Variants in SH2D4A observed in about 807,000 individuals in gnomAD.
SH2D4A encodes SH2 domain containing 4A.
SH2D4A carries 70 observed loss-of-function variants against 64.7 expected under a neutral mutation model. The ratio of observed to expected loss-of-function variants is 1.08; its 90% CI spans 0.89 to 1.32. The LOEUF (loss-of-function observed/expected upper bound fraction) is 1.32, where lower values mean the gene tolerates loss of function less well. Among genes scored for constraint, SH2D4A ranks in the 40% most tolerant of loss-of-function variants. The pLI is 0.00. For synonymous variants in SH2D4A, 268 were observed against 200.7 expected (o/e 1.34, Z -2.83); for missense variants, 706 against 540.1 (o/e 1.31, Z -3.04).
intron 7 of SH2D4A, among the ~76,000 whole-genome samples, chr8:19,371,558 G>A (rs765968113): frequency 6.6e-6 from 1 of 152,090 alleles, no homozygotes; most frequent in African/African-American, 2.4e-5. Context: ...TCCTATGTAG[G>A]TTGAATCTGA....
At chr8:19,361,629 G>C (rs1273292625) in intron 6 of SH2D4A, among the ~76,000 whole-genome samples, 1 of 151,956 alleles carries the variant, frequency 6.6e-6, no homozygotes, top group Non-Finnish European at 1.5e-5. Flanking sequence ...CATTAGCTTG[G>C]GGAAGAAAAA....
chr8:19,332,691 C>CAAAA (rs58695585), intron 2 of SH2D4A, among the ~76,000 whole-genome samples: 2 of 81,692 alleles, frequency 2.4e-5, no homozygotes, highest in Non-Finnish European at 5.8e-5. Context: ...GTGAGACTGT[C>CAAAA]AAAAAAAAAA....
At chr8:19,340,185 C>T (rs944781895) in intron 4 of SH2D4A, among the ~76,000 whole-genome samples, 3 of 151,830 alleles carry the variant, frequency 2.0e-5, no homozygotes, top group African/African-American at 7.3e-5. Context: ...TTGGAGGAAC[C>T]AAAGGGGCCA....
rs1585141022 is a variant in SH2D4A at position 19,319,334 on chromosome 8, C to T, written c.-204-10C>T. ...CACGCTGCCTGAATGTGGGCTCTTT[C>T]TCTCTGCAGGTTCAGTGAACAGCAT... On this transcript the variant is annotated splice_polypyrimidine_tract_variant and intron_variant, in intron 1 of 9. Transcript: ENST00000265807. 8.3e-7 allele frequency: 1 copy of T among 1,208,006 alleles called. No homozygotes were observed. Among genetic ancestry groups the T allele is most frequent in the East Asian group, 3.4e-5 (1 of 29,120 alleles). The allele number at this position is 1,208,006 out of a possible 1,614,324, so 74.8% of individuals were successfully genotyped here.
chr8:19,344,004 G>A (rs2052571397), intron 4 of SH2D4A, among the ~76,000 whole-genome samples: 1 of 152,166 alleles, frequency 6.6e-6, no homozygotes. Flanking sequence ...GTGTCGGGGA[G>A]GGAGAATGCA....
At chr8:19,325,608 A>C (rs1454079276) in intron 2 of SH2D4A, among the ~76,000 whole-genome samples, 1 of 152,006 alleles carries the variant, frequency 6.6e-6, no homozygotes, top group East Asian at 1.9e-4. Context: ...GGCTTCACTG[A>C]TGTCCTCTCT....
chr8:19,394,563 C>T lies in SH2D4A; in HGVS notation c.1286C>T (p.Thr429Ile). The T allele has an allele frequency of 6.2e-7, 1 of 1,607,216 alleles. No homozygotes were observed. Among genetic ancestry groups the T allele is most frequent in the Non-Finnish European group, 8.5e-7 (1 of 1,176,174 alleles). Residue 429 changes from threonine to isoleucine, a missense_variant, in exon 10 of 10, where the codon ACT becomes ATT. Transcript: ENST00000265807. Reference sequence around the variant, plus strand: ...TCTGATTGACAGGAGGAACCCATCACTTCCCTGGGGAAGGAGCTCCTTCTC... The same window carrying T: ...TCTGATTGACAGGAGGAACCCATCATTTCCCTGGGGAAGGAGCTCCTTCTC... ...LVEYHKEEPI[T>I]SLGKELLLYP...
chr8:19,384,188 C>A (rs1178286486), intron 8 of SH2D4A, among the ~76,000 whole-genome samples: 1 of 152,128 alleles, frequency 6.6e-6, no homozygotes, highest in Non-Finnish European at 1.5e-5. Context: ...GCTAGGAGGT[C>A]ACCTCAGAAG....
At chr8:19,316,861 G>T (rs2052097055) in intron 1 of SH2D4A, among the ~76,000 whole-genome samples, 1 of 152,220 alleles carries the variant, frequency 6.6e-6, no homozygotes, top group South Asian at 2.1e-4. Context: ...TGGGCATAGT[G>T]ATGGGCTGGA....
rs1032616958 is a variant in SH2D4A at position 19,314,014 on chromosome 8, G to A, written c.-205+191G>A. The A allele has an allele frequency of 4.2e-4, 515 of 1,233,504 alleles. 5 individuals carry two copies. The highest frequency in any genetic ancestry group is 8.4e-5 in the Non-Finnish European group (83 of 991,504). 76.4% of individuals were successfully genotyped at this position (1,233,504 alleles called of 1,614,324 possible). A position where few individuals can be genotyped will look rare whatever the true frequency, so the allele number is the denominator to read the frequency against. On this transcript the variant is annotated intron_variant, in intron 1 of 9. Transcript: ENST00000265807. ...GGGCTCAGGTGCGGGGTTGGGCGGCGAGAGCGGCCGCGGCGGGTGTCCGGT... is the reference window on the plus strand; with the variant it reads ...GGGCTCAGGTGCGGGGTTGGGCGGCAAGAGCGGCCGCGGCGGGTGTCCGGT...
intron 4 of SH2D4A, among the ~76,000 whole-genome samples, chr8:19,341,406 C>T (rs1454906144): frequency 6.6e-6 from 1 of 152,112 alleles, no homozygotes; most frequent in Non-Finnish European, 1.5e-5. Flanking sequence ...AGTTAGTGAC[C>T]ATAATCCTTA....
intron 4 of SH2D4A, among the ~76,000 whole-genome samples, chr8:19,338,460 T>C (rs1023374513): frequency 6.6e-6 from 1 of 152,182 alleles, no homozygotes; most frequent in African/African-American, 2.4e-5. Flanking sequence ...AGATGGAAGA[T>C]TATCCTTGAA....
chr8:19,335,455 G>A (rs947090469), intron 4 of SH2D4A, among the ~76,000 whole-genome samples: 7 of 152,120 alleles, frequency 4.6e-5, no homozygotes, highest in Non-Finnish European at 5.9e-5. Context: ...CCTCAATGCT[G>A]CCCCATTATA....
chr8:19,355,407 T>C (rs968504375), intron 4 of SH2D4A, among the ~76,000 whole-genome samples: 1 of 152,168 alleles, frequency 6.6e-6, no homozygotes, highest in Non-Finnish European at 1.5e-5. Flanking sequence ...TGGTTACTGT[T>C]CTAAGTTTAG....
At chr8:19,364,971 C>G (rs757806373) in intron 7 of SH2D4A, among the ~76,000 whole-genome samples, 1 of 152,082 alleles carries the variant, frequency 6.6e-6, no homozygotes, top group Non-Finnish European at 1.5e-5. Flanking sequence ...TTTGCTGATT[C>G]TAAATTTTTT....
chr8:19,393,274 G>T (rs1304334543), intron 8 of SH2D4A, 44 bp from the exon 9 acceptor site: 3 of 1,577,640 alleles, frequency 1.9e-6, no homozygotes, highest in East Asian at 4.5e-5. Context: ...GGATTTTCTG[G>T]AATGATTTGG....
chr8:19,373,674 T>A lies in SH2D4A; in HGVS notation c.1048+14T>A. 6.2e-7 allele frequency: 1 copy of A among 1,611,382 alleles called. No individual in the cohort carries two copies. The highest frequency in any genetic ancestry group is 8.5e-7 in the Non-Finnish European group (1 of 1,178,494). ...CCTGGTTCCATGGTGAGTGCAGAGA[T>A]TTCCTCAATGGTGTTTCGTCTTAGG... On this transcript the variant is annotated intron_variant, in intron 8 of 9. Coordinates refer to ENST00000265807, the MANE Select transcript of SH2D4A (RefSeq NM_022071.4).
chr8:19,357,792 C>T (rs1219328720), intron 5 of SH2D4A, among the ~76,000 whole-genome samples: 1 of 152,182 alleles, frequency 6.6e-6, no homozygotes, highest in Non-Finnish European at 1.5e-5. Flanking sequence ...CTTCCTCCGT[C>T]GTGTGAGCTT....
chr8:19,366,683 A>T (rs1469837253), intron 7 of SH2D4A, among the ~76,000 whole-genome samples: 2 of 152,070 alleles, frequency 1.3e-5, no homozygotes, highest in Non-Finnish European at 2.9e-5. Flanking sequence ...TTCCAGCTAC[A>T]CTGGAGGCTG....
Sources: gnomAD v4.1 joint callset for allele counts (sites outside exome capture counted in the v4.1 genomes callset) on GRCh38, gnomAD v4.1.1 for gene constraint, MANE v1.5 for transcripts, NCBI Gene and HGNC (gene_info 2026-07-23, HGNC 2026-07-21) for gene names.